The following ANKH variants were observed in gnomAD, a reference collection of about 807,000 sequenced individuals.
The protein encoded by ANKH is ANKH inorganic pyrophosphate transport regulator, also known as mineralization regulator ANKH.
Under a neutral mutation model 49.0 loss-of-function variants are expected in ANKH, and 15 were observed. The ratio of observed to expected loss-of-function variants is 0.31; its 90% CI spans 0.20 to 0.47. ANKH has a LOEUF of 0.47. Ranked by LOEUF, ANKH falls within the 20% of genes least tolerant of loss-of-function variation. The probability of loss-of-function intolerance (pLI) is 1.00; values close to 1 mark genes in which losing one functional copy is unlikely to be tolerated. For synonymous variants in ANKH, 273 were observed against 260.0 expected, an observed-to-expected ratio of 1.05 and a Z score of -0.48; for missense variants, 429 against 652.0, an observed-to-expected ratio of 0.66 and a Z score of 3.72.
intron 1 of ANKH, chr5:14,798,113 T>C: frequency 6.4e-7 from 1 of 1,556,974 alleles, no homozygotes; most frequent in Non-Finnish European, 8.9e-7. Context: ...TGTCGTAGTG[T>C]GATGCATCAA....
chr5:14,759,158 T>C (rs1379250786), intron 2 of ANKH, among the ~76,000 whole-genome samples: 1 of 152,256 alleles, frequency 6.6e-6, no homozygotes, highest in Non-Finnish European at 1.5e-5. Flanking sequence ...TTGCCAGTTC[T>C]TTTATTTCAC....
chr5:14,784,883 C>G (rs949430482), intron 1 of ANKH, among the ~76,000 whole-genome samples: 3 of 149,090 alleles, frequency 2.0e-5, no homozygotes, highest in African/African-American at 4.9e-5. Flanking sequence ...TTAGTACAAC[C>G]CCCAATCAAG....
intron 1 of ANKH, among the ~76,000 whole-genome samples, chr5:14,795,185 C>A (rs915005025): frequency 6.6e-6 from 1 of 152,112 alleles, no homozygotes; most frequent in African/African-American, 2.4e-5. Flanking sequence ...AATGGCAAAG[C>A]AAAATCCAGT....
intron 2 of ANKH, among the ~76,000 whole-genome samples, chr5:14,766,745 A>G (rs1739270447): frequency 6.6e-6 from 1 of 152,250 alleles, no homozygotes; most frequent in South Asian, 2.1e-4. Context: ...TGAATTTATA[A>G]TACAAAGCTT....
At chr5:14,751,312 C>T (rs1446840688) in intron 4 of ANKH, 73 bp from the exon 5 acceptor site, 3 of 1,479,916 alleles carry the variant, frequency 2.0e-6, no homozygotes, top group East Asian at 2.3e-5. Flanking sequence ...CAGGGGCACG[C>T]TCTTGAACCT....
At chr5:14,845,386 G>T (rs1399652387) in intron 1 of ANKH, among the ~76,000 whole-genome samples, 2 of 147,794 alleles carry the variant, frequency 1.4e-5, no homozygotes, top group Admixed American at 6.7e-5. Flanking sequence ...TTACCTTTCT[G>T]GTTTTATTAA....
chr5:14,740,535 A>G (rs1738321534), intron 8 of ANKH, among the ~76,000 whole-genome samples: 1 of 152,214 alleles, frequency 6.6e-6, no homozygotes, highest in South Asian at 2.1e-4. Flanking sequence ...CCACAGGGAC[A>G]GGCTGGCAAA....
At chr5:14,779,858 C>T (rs1461907152) in intron 1 of ANKH, among the ~76,000 whole-genome samples, 1 of 152,148 alleles carries the variant, frequency 6.6e-6, no homozygotes, top group Non-Finnish European at 1.5e-5. Flanking sequence ...TGTAGACACA[C>T]GGACATGAAC....
At chr5:14,808,824 C>T (rs1740783328) in intron 1 of ANKH, among the ~76,000 whole-genome samples, 1 of 131,896 alleles carries the variant, frequency 7.6e-6, no homozygotes, top group Admixed American at 8.0e-5. Flanking sequence ...CCCAGCCATC[C>T]CATTACTGGG....
chr5:14,720,429 C>G (rs1468284532), intron 8 of ANKH, among the ~76,000 whole-genome samples: 1 of 152,218 alleles, frequency 6.6e-6, no homozygotes, highest in Non-Finnish European at 1.5e-5. Flanking sequence ...CGTACACAGT[C>G]ATAGCCCTGG....
intron 1 of ANKH, among the ~76,000 whole-genome samples, chr5:14,795,670 G>A (rs965595039): frequency 5.3e-5 from 8 of 152,288 alleles, no homozygotes; most frequent in South Asian, 4.1e-4. Flanking sequence ...CCAACATGGC[G>A]AAACCCCATT....
intron 8 of ANKH, among the ~76,000 whole-genome samples, chr5:14,734,176 C>T (rs138659582): frequency 0.017 from 2,531 of 152,250 alleles, 30 homozygotes; most frequent in Non-Finnish European, 0.026. Context: ...GTAAAGCAAC[C>T]TTTTCTGATT....
chr5:14,867,322 G>A (rs1250359046), intron 1 of ANKH, among the ~76,000 whole-genome samples: 1 of 152,102 alleles, frequency 6.6e-6, no homozygotes, highest in East Asian at 1.9e-4. Flanking sequence ...TCTTGAACAA[G>A]TACCTTAACA....
At chr5:14,727,896 G>A (rs1030965863) in intron 8 of ANKH, among the ~76,000 whole-genome samples, 1 of 152,042 alleles carries the variant, frequency 6.6e-6, no homozygotes, top group Admixed American at 6.6e-5. Context: ...AAAAACATTT[G>A]GAACCTGCTT....
intron 2 of ANKH, among the ~76,000 whole-genome samples, chr5:14,761,695 T>A (rs1739084476): frequency 6.6e-6 from 1 of 151,702 alleles, no homozygotes; most frequent in Non-Finnish European, 1.5e-5. Context: ...ATTCATACCC[T>A]ATACCGTAAA....
At chr5:14,863,477 AC>A (rs1483774273) in intron 1 of ANKH, among the ~76,000 whole-genome samples, 3 of 152,094 alleles carry the variant, frequency 2.0e-5, no homozygotes, top group Non-Finnish European at 4.4e-5. Flanking sequence ...ACTTCCAACA[AC>A]CCTAGTTCTC....
intron 1 of ANKH, among the ~76,000 whole-genome samples, chr5:14,812,240 ATTATT>A (rs1740906058): frequency 6.6e-6 from 1 of 151,900 alleles, no homozygotes; most frequent in Non-Finnish European, 1.5e-5. Flanking sequence ...CCCCAAACTT[ATTATT>A]TTTTTTTTTA....
chr5:14,813,752 C>T (rs1561067469), intron 1 of ANKH, among the ~76,000 whole-genome samples: 1 of 152,206 alleles, frequency 6.6e-6, no homozygotes, highest in Non-Finnish European at 1.5e-5. Flanking sequence ...TGCTTCTTGC[C>T]ATTGCTCCAG....
intron 1 of ANKH, among the ~76,000 whole-genome samples, chr5:14,837,664 A>C (rs1170352240): frequency 6.6e-6 from 1 of 152,238 alleles, no homozygotes; most frequent in Non-Finnish European, 1.5e-5. Flanking sequence ...GAACACTTTT[A>C]CACTGTTGGT....
Sources: gnomAD v4.1 joint callset for allele counts (sites outside exome capture counted in the v4.1 genomes callset) on GRCh38, gnomAD v4.1.1 for gene constraint, MANE v1.5 for transcripts, NCBI Gene and HGNC (gene_info 2026-07-23, HGNC 2026-07-21) for gene names.